Variants in SCAI observed in about 807,000 individuals in gnomAD.
The protein encoded by SCAI is protein SCAI.
A neutral mutation model predicts 92.2 loss-of-function variants in SCAI; 24 were observed. The observed-to-expected ratio is 0.26, with a 90% CI of 0.19 to 0.37. The LOEUF (loss-of-function observed/expected upper bound fraction) is 0.37, where lower values mean the gene tolerates loss of function less well. Ranked by LOEUF, SCAI falls within the 10% of genes least tolerant of loss-of-function variation. The probability of loss-of-function intolerance (pLI) is 1.00; values close to 1 mark genes in which losing one functional copy is unlikely to be tolerated. For synonymous variants in SCAI, 261 were observed against 258.6 expected (o/e 1.01, Z -0.09); for missense variants, 450 against 736.2 (o/e 0.61, Z 4.50).
intron 2 of SCAI, among the ~76,000 whole-genome samples, chr9:125,102,604 T>C (rs1330306184): frequency 4.8e-5 from 3 of 61,982 alleles, no homozygotes; most frequent in East Asian, 1.8e-3. Context: ...ACAAACCCAC[T>C]TTTTTTTTTT....
intron 2 of SCAI, among the ~76,000 whole-genome samples, chr9:125,073,703 A>T (rs543349764): frequency 6.6e-6 from 1 of 152,346 alleles, no homozygotes; most frequent in Non-Finnish European, 1.5e-5. Flanking sequence ...AAAGACACTT[A>T]TACAAGGTCA....
chr9:125,007,668 AT>A (rs1021809969), intron 9 of SCAI, among the ~76,000 whole-genome samples: 2 of 148,918 alleles, frequency 1.3e-5, no homozygotes, highest in Middle Eastern at 6.9e-3. Flanking sequence ...AAAAAAAAAA[AT>A]TTTTTTTAAG....
rs1831218527 is a variant in SCAI, at chr9:124,950,545, CAA to C, written c.*2260_*2261del. On this transcript the variant is annotated 3_prime_UTR_variant, in exon 18 of 18. Transcript: ENST00000336505. ...GCACAGGACTTAAGGGGAATTGAAACAAGAGGTCAGAAAACCGAAGATAGTCT... is the reference window on the plus strand; with the variant it reads ...GCACAGGACTTAAGGGGAATTGAAACGAGGTCAGAAAACCGAAGATAGTCT... The C allele has an allele frequency of 6.6e-6, 1 of 152,048 alleles. No homozygotes were observed. The highest frequency in any genetic ancestry group is 1.5e-5 in the Non-Finnish European group (1 of 67,992). The allele number at this position is 152,048 out of a possible 1,614,324, so 9.4% of individuals were successfully genotyped here. A position where few individuals can be genotyped will look rare whatever the true frequency, so the allele number is the denominator to read the frequency against.
intron 9 of SCAI, among the ~76,000 whole-genome samples, chr9:125,012,567 C>T (rs1306654070): frequency 6.6e-6 from 1 of 152,128 alleles, no homozygotes; most frequent in Non-Finnish European, 1.5e-5. Flanking sequence ...TAGACTCCCA[C>T]ACAATAATAA....
chr9:124,996,081 AT>A (rs1485107548), intron 13 of SCAI, among the ~76,000 whole-genome samples: 1 of 152,108 alleles, frequency 6.6e-6, no homozygotes, highest in Non-Finnish European at 1.5e-5. Context: ...TTATTGACAA[AT>A]AAAAATTGTA....
intron 3 of SCAI, among the ~76,000 whole-genome samples, chr9:125,046,180 A>T (rs10819026): frequency 1.9e-5 from 2 of 104,454 alleles, no homozygotes; most frequent in African/African-American, 7.3e-5. Flanking sequence ...TCAACAAGTG[A>T]ATAAAGAAAT....
chr9:125,056,965 G>GC (rs1217192547), intron 2 of SCAI, among the ~76,000 whole-genome samples: 6 of 152,126 alleles, frequency 3.9e-5, no homozygotes, highest in African/African-American at 7.2e-5. Flanking sequence ...ATCTCCACTT[G>GC]TAATAAATTT....
chr9:125,064,959 C>G (rs1340446061), intron 2 of SCAI, among the ~76,000 whole-genome samples: 1 of 152,028 alleles, frequency 6.6e-6, no homozygotes, highest in Non-Finnish European at 1.5e-5. Flanking sequence ...TGAACTGATT[C>G]ACAATGAAAA....
At chr9:125,123,656 T>C (rs1045288343) in intron 2 of SCAI, among the ~76,000 whole-genome samples, 8 of 152,052 alleles carry the variant, frequency 5.3e-5, no homozygotes, top group African/African-American at 9.7e-5. Flanking sequence ...GCACCTGGAA[T>C]CTCAGCTACT....
intron 9 of SCAI, among the ~76,000 whole-genome samples, chr9:125,018,471 A>G (rs939259540): frequency 2.0e-5 from 3 of 152,174 alleles, no homozygotes; most frequent in Admixed American, 2.0e-4. Flanking sequence ...TGGAGATAAA[A>G]CTTAGATAGT....
At chr9:125,026,986 C>T (rs767807641) in intron 5 of SCAI, 76 bp from the exon 6 acceptor site, 30 of 764,032 alleles carry the variant, frequency 3.9e-5, no homozygotes, top group South Asian at 3.9e-4. Flanking sequence ...TTCTATATAC[C>T]GCTGTATTCC....
At chr9:125,002,708 T>C (rs1832387746) in intron 11 of SCAI, among the ~76,000 whole-genome samples, 1 of 151,856 alleles carries the variant, frequency 6.6e-6, no homozygotes, top group South Asian at 2.1e-4. Context: ...GTTCTTGAAC[T>C]CCCGACCTCA....
intron 2 of SCAI, among the ~76,000 whole-genome samples, chr9:125,082,204 C>T (rs117354823): frequency 0.03 from 4,535 of 152,248 alleles, 103 homozygotes; most frequent in Non-Finnish European, 0.048. Context: ...TAAAAGGGGC[C>T]GAGGTACAGC....
intron 9 of SCAI, among the ~76,000 whole-genome samples, chr9:125,005,610 C>T (rs1706145490): frequency 6.6e-6 from 1 of 152,180 alleles, no homozygotes; most frequent in South Asian, 2.1e-4. Flanking sequence ...GGATTACAGG[C>T]ATGAGCCACT....
intron 3 of SCAI, among the ~76,000 whole-genome samples, chr9:125,032,225 A>G (rs1214841117): frequency 8.2e-6 from 1 of 121,348 alleles, no homozygotes; most frequent in African/African-American, 3.4e-5. Flanking sequence ...TGGAGTCTCT[A>G]TCTGTCACCA....
chr9:124,981,816 G>C (rs895171108), intron 14 of SCAI, among the ~76,000 whole-genome samples: 6 of 151,956 alleles, frequency 3.9e-5, no homozygotes, highest in Non-Finnish European at 8.8e-5. Flanking sequence ...CACTCAGCTA[G>C]TTTTTTATTT....
intron 7 of SCAI, 26 bp from the exon 8 acceptor site, chr9:125,019,231 G>A: frequency 7.3e-7 from 1 of 1,361,378 alleles, no homozygotes; most frequent in Non-Finnish European, 1.0e-6. Context: ...TCACAAAAAA[G>A]GTTATTAAAA....
intron 2 of SCAI, among the ~76,000 whole-genome samples, chr9:125,062,187 G>A (rs553204177): frequency 2.6e-5 from 4 of 151,188 alleles, no homozygotes; most frequent in East Asian, 3.9e-4. Flanking sequence ...GTGCAGTGGC[G>A]TGATCATGGC....
intron 2 of SCAI, among the ~76,000 whole-genome samples, chr9:125,094,335 T>C (rs1834502503): frequency 6.6e-6 from 1 of 152,142 alleles, no homozygotes; most frequent in Non-Finnish European, 1.5e-5. Context: ...TACACACCAA[T>C]ACTCTACACA....
Sources: gnomAD v4.1 joint callset for allele counts (sites outside exome capture counted in the v4.1 genomes callset) on GRCh38, gnomAD v4.1.1 for gene constraint, MANE v1.5 for transcripts, NCBI Gene and HGNC (gene_info 2026-07-23, HGNC 2026-07-21) for gene names.